Variants in DPP6 observed in about 807,000 individuals in gnomAD.
DPP6 encodes the protein dipeptidyl peptidase like 6.
Under a neutral mutation model 122.6 loss-of-function variants are expected in DPP6, and 69 were observed. That is an observed-to-expected ratio of 0.56 (90% CI 0.46 to 0.69). DPP6 has a LOEUF of 0.69. Ranked by LOEUF, DPP6 falls within the 30% of genes least tolerant of loss-of-function variation. DPP6 has a pLI of 0.00. For synonymous variants in DPP6, 418 were observed against 433.1 expected, an observed-to-expected ratio of 0.97 and a Z score of 0.43; for missense variants, 928 against 1,116.9, an observed-to-expected ratio of 0.83 and a Z score of 2.41.
intron 3 of DPP6, among the ~76,000 whole-genome samples, 198 bp from the exon 4 acceptor site, chr7:154,540,334 T>C (rs1828615168): frequency 6.6e-6 from 1 of 152,222 alleles, no homozygotes; most frequent in African/African-American, 2.4e-5. Context: ...TGTCAATGTG[T>C]AAAGTAGGAG....
intron 7 of DPP6, among the ~76,000 whole-genome samples, chr7:154,726,309 C>T (rs1192971333): frequency 6.6e-6 from 1 of 152,192 alleles, no homozygotes; most frequent in Non-Finnish European, 1.5e-5. Context: ...GGCTTCACCC[C>T]ACAACAGACT....
chr7:153,819,505 G>A, the DPP6 span, among the ~76,000 whole-genome samples: 10 of 151,996 alleles, frequency 6.6e-5, no homozygotes, highest in South Asian at 4.2e-4. Context: ...GTGGTTGAAC[G>A]AGGGTGACAG....
At chr7:153,919,511 T>G (rs1800533766) in intron 1 of DPP6, among the ~76,000 whole-genome samples, 1 of 150,818 alleles carries the variant, frequency 6.6e-6, no homozygotes, top group Non-Finnish European at 1.5e-5. Context: ...TTGTCTACTT[T>G]GATGAAAAAA....
chr7:154,402,481 A>G (rs1405006695), intron 1 of DPP6, among the ~76,000 whole-genome samples: 1 of 151,082 alleles, frequency 6.6e-6, no homozygotes, highest in African/African-American at 2.5e-5. Context: ...CATCATTCTC[A>G]GTAAACTATC....
chr7:154,649,368 G>A (rs553548274), intron 6 of DPP6, among the ~76,000 whole-genome samples: 3 of 152,184 alleles, frequency 2.0e-5, no homozygotes, highest in Non-Finnish European at 4.4e-5. Flanking sequence ...TTCATCCAAC[G>A]TGTTTTCCTT....
At position 154,101,313 on chromosome 7, in the gene DPP6, G is replaced by A. The variant is rs183353858; in HGVS notation, c.243+48250G>A. Among the ~76,000 whole-genome samples the A allele has an allele frequency of 8.7e-3, 1,204 of 138,988 alleles. 28 individuals carry two copies. The highest frequency in any genetic ancestry group is 0.028 in the African/African-American group (1,118 of 40,096). 91.2% of individuals were successfully genotyped at this position (138,988 alleles called of 152,430 possible). A position where few individuals can be genotyped will look rare whatever the true frequency, so the allele number is the denominator to read the frequency against. On this transcript the variant is annotated intron_variant, in intron 1 of 25. Transcript: ENST00000377770. ...AACAGACCTGCCTTATTTACTGTGC[G>A]AGTATCCAGCTAGAGCCTGGAGCTC...
chr7:154,356,641 G>T (rs1299343168), intron 1 of DPP6, among the ~76,000 whole-genome samples: 1 of 151,448 alleles, frequency 6.6e-6, no homozygotes, highest in Non-Finnish European at 1.5e-5. Context: ...TTCTATCTAA[G>T]AAGTTAAATG....
chr7:154,664,327 A>T (rs141398298), intron 6 of DPP6, among the ~76,000 whole-genome samples: 1 of 152,240 alleles, frequency 6.6e-6, no homozygotes, highest in African/African-American at 2.4e-5. Flanking sequence ...GTTAGCATTT[A>T]TGGGAATTTA....
At chr7:154,412,277 G>A (rs749586154) in intron 1 of DPP6, among the ~76,000 whole-genome samples, 2 of 152,102 alleles carry the variant, frequency 1.3e-5, no homozygotes, top group Non-Finnish European at 2.9e-5. Flanking sequence ...ACAGTTCAGG[G>A]GCTGCAAGTC....
chr7:154,670,582 C>T (rs945375337), intron 7 of DPP6, among the ~76,000 whole-genome samples: 1 of 152,192 alleles, frequency 6.6e-6, no homozygotes, highest in Non-Finnish European at 1.5e-5. Flanking sequence ...TTGCCACGTG[C>T]AGAAAGTCCC....
At chr7:154,663,316 T>C (rs1306549827) in intron 6 of DPP6, among the ~76,000 whole-genome samples, 3 of 47,156 alleles carry the variant, frequency 6.4e-5, no homozygotes, top group Non-Finnish European at 1.6e-4. Context: ...ATAGTGTTCA[T>C]AGAGTCATGG....
intron 2 of DPP6, among the ~76,000 whole-genome samples, chr7:154,454,400 G>T (rs1820648168): frequency 2.0e-5 from 3 of 152,194 alleles, no homozygotes; most frequent in South Asian, 4.1e-4. Context: ...ATAAATAGAG[G>T]CTGCAGATGA....
the DPP6 span, among the ~76,000 whole-genome samples, chr7:153,862,096 C>T: frequency 6.6e-6 from 1 of 152,064 alleles, no homozygotes; most frequent in Non-Finnish European, 1.5e-5. Context: ...ACTCCAGGCT[C>T]CCAGAGGCAA....
intron 1 of DPP6, among the ~76,000 whole-genome samples, chr7:154,438,494 A>G (rs895930657): frequency 1.3e-5 from 2 of 149,236 alleles, no homozygotes; most frequent in African/African-American, 4.9e-5. Context: ...AAAAAAAAAA[A>G]AAAGAAAAGA....
At chr7:154,419,483 T>C (rs1223200212) in intron 1 of DPP6, among the ~76,000 whole-genome samples, 1 of 152,224 alleles carries the variant, frequency 6.6e-6, no homozygotes, top group Non-Finnish European at 1.5e-5. Context: ...GGACAAGTCC[T>C]GTGCAGAATG....
intron 1 of DPP6, among the ~76,000 whole-genome samples, chr7:154,238,889 A>T (rs1801390542): frequency 6.6e-6 from 1 of 152,252 alleles, no homozygotes; most frequent in Non-Finnish European, 1.5e-5. Context: ...TTAACAACAG[A>T]TCGGGCTTCA....
chr7:154,661,937 T>C (rs1837710332), intron 6 of DPP6, among the ~76,000 whole-genome samples: 1 of 150,838 alleles, frequency 6.6e-6, no homozygotes, highest in African/African-American at 2.4e-5. Flanking sequence ...CCATGGCGTA[T>C]TGGCGGTAGT....
Position 154,500,167 on chromosome 7 carries a change from A to G in DPP6, c.457+25130A>G, listed in dbSNP as rs543607747. 3.3e-5 allele frequency among the ~76,000 whole-genome samples: 5 copies of G among 152,202 alleles called. No homozygotes were observed. The South Asian group carries it at 1.0e-3, about 32-fold the overall frequency. ...AGGTGACCAGCCAAAGCCACAGGGAACAAAATAGTTTAGGCACAGAAAGCC... is the reference window on the plus strand; with the variant it reads ...AGGTGACCAGCCAAAGCCACAGGGAGCAAAATAGTTTAGGCACAGAAAGCC... On this transcript the variant is annotated intron_variant, in intron 3 of 25. Coordinates refer to ENST00000377770, the MANE Select transcript of DPP6 (RefSeq NM_130797.4).
intron 5 of DPP6, among the ~76,000 whole-genome samples, chr7:154,596,047 G>A (rs1160026700): frequency 1.3e-5 from 2 of 152,156 alleles, no homozygotes; most frequent in Admixed American, 6.5e-5. Flanking sequence ...GTGACAGAGC[G>A]AGACGCCATC....
Sources: allele counts gnomAD v4.1 joint callset (sites outside exome capture counted in the v4.1 genomes callset), GRCh38; gene constraint gnomAD v4.1.1; transcripts MANE v1.5; gene names NCBI Gene and HGNC (gene_info 2026-07-23, HGNC 2026-07-21).